Variants in RGS20 observed in about 807,000 individuals in gnomAD.
RGS20 encodes gz-selective GTPase-activating protein.
RGS20 carries 30 observed loss-of-function variants against 33.6 expected under a neutral mutation model. That is an observed-to-expected ratio of 0.89 (90% confidence interval 0.67 to 1.21). RGS20 has a LOEUF of 1.21. Among genes scored for constraint, RGS20 ranks in the 50% most tolerant of loss-of-function variants. RGS20 has a pLI of 0.00. For missense variants in RGS20, 472 were observed against 502.4 expected (o/e 0.94, Z 0.58); for synonymous variants, 208 against 197.9 (o/e 1.05, Z -0.43).
chr8:53,913,981 C>A (rs1813416191), intron 2 of RGS20: 1 of 151,576 alleles, frequency 6.6e-6, no homozygotes, highest in Admixed American at 6.6e-5. Context: ...CTATATTTTC[C>A]TTTTCCTTTC....
intron 2 of RGS20, among the ~76,000 whole-genome samples, chr8:53,916,183 C>T (rs573255900): frequency 6.6e-5 from 10 of 152,132 alleles, no homozygotes; most frequent in South Asian, 4.2e-4. Flanking sequence ...CCACAAAGTC[C>T]GGCTAATTTT....
At position 53,881,002 on chromosome 8, in the gene RGS20, C is replaced by T. The variant is rs200942431; in HGVS notation, c.510+1400C>T. The T allele has an allele frequency of 5.4e-4, 861 of 1,594,716 alleles. 1 individual carries two copies. The highest frequency in any genetic ancestry group is 2.1e-3 in the Middle Eastern group (12 of 5,668). ...CCTCCGCGCTGCAATATTGAGAAGG[C>T]ACCCGCGGGACGCATGCGCACGGCG... is the stretch of plus-strand genomic sequence containing the variant. On this transcript the variant is annotated intron_variant, in intron 2 of 5. Transcript: ENST00000297313.
chr8:53,872,367 C>A (rs1339230891), intron 1 of RGS20, among the ~76,000 whole-genome samples: 1 of 152,140 alleles, frequency 6.6e-6, no homozygotes, highest in Admixed American at 6.5e-5. Flanking sequence ...TTTCCCATTG[C>A]TTTTACAATA....
intron 2 of RGS20, among the ~76,000 whole-genome samples, chr8:53,924,465 G>A (rs1026615777): frequency 2.6e-5 from 4 of 152,058 alleles, no homozygotes; most frequent in Admixed American, 2.6e-4. Flanking sequence ...TAGGATTACA[G>A]GCGTGAGCCA....
intron 3 of RGS20, among the ~76,000 whole-genome samples, chr8:53,940,229 G>T (rs1368630871): frequency 4.6e-5 from 7 of 152,104 alleles, no homozygotes; most frequent in Non-Finnish European, 8.8e-5. Context: ...TAACTTACTG[G>T]GTAGAGGAAG....
intron 3 of RGS20, among the ~76,000 whole-genome samples, chr8:53,945,779 T>C (rs1814456156): frequency 6.6e-6 from 1 of 152,032 alleles, no homozygotes; most frequent in African/African-American, 2.4e-5. Flanking sequence ...GGCACATGCC[T>C]GTAGTCCCAG....
intron 4 of RGS20, among the ~76,000 whole-genome samples, chr8:53,951,910 G>A (rs538886275): frequency 1.4e-4 from 21 of 151,224 alleles, no homozygotes; most frequent in South Asian, 4.2e-4. Context: ...CCAGCTAGTC[G>A]GGAGGCTGAG....
chr8:53,925,749 G>A (rs1813777011), intron 2 of RGS20, among the ~76,000 whole-genome samples: 1 of 151,784 alleles, frequency 6.6e-6, no homozygotes, highest in Non-Finnish European at 1.5e-5. Context: ...AAAAAAAGAA[G>A]TTAAAACGAA....
intron 2 of RGS20, among the ~76,000 whole-genome samples, chr8:53,922,683 C>T (rs2129286774): frequency 6.6e-6 from 1 of 151,850 alleles, no homozygotes; most frequent in African/African-American, 2.4e-5. Flanking sequence ...AATTTTTAAT[C>T]TTTCTTTGAG....
chr8:53,879,457 A>T lies in RGS20; in HGVS notation c.365A>T (p.Glu122Val). The T allele has an allele frequency of 6.3e-7, 1 of 1,593,560 alleles. No individual in the cohort carries two copies. The highest frequency in any genetic ancestry group is 8.5e-7 in the Non-Finnish European group (1 of 1,172,204). Reference sequence around the variant, plus strand: ...GCCCGGCTCTCGAGGGGGCACGAGGAGCTGCCGGGCCGCCTCTCGCTCCTG... The same window carrying T: ...GCCCGGCTCTCGAGGGGGCACGAGGTGCTGCCGGGCCGCCTCTCGCTCCTG... Residue 122 changes from glutamate (E) to valine (V), a missense_variant, in exon 2 of 6, where the codon GAG becomes GTG. Coordinates refer to ENST00000297313, the MANE Select transcript of RGS20 (RefSeq NM_170587.4).
chr8:53,931,552 AAACAAC>A (rs147351535), intron 2 of RGS20, among the ~76,000 whole-genome samples: 7,678 of 150,666 alleles, frequency 0.051, 382 homozygotes, highest in East Asian at 0.21. Context: ...CAAAACTCCA[AAACAAC>A]AACAACAACA....
intron 2 of RGS20, among the ~76,000 whole-genome samples, chr8:53,916,020 G>A (rs1813474123): frequency 1.3e-5 from 2 of 151,820 alleles, no homozygotes; most frequent in South Asian, 4.2e-4. Flanking sequence ...GAGTCTGTGA[G>A]AGATCAGCAA....
rs1414198772 is a variant in RGS20, at chr8:53,958,208, G to A, written c.979-62G>A. 7 of 1,183,842 alleles carry A rather than the reference G, an allele frequency of 5.9e-6. No individual in the cohort carries two copies. The East Asian group carries it at 1.8e-4, about 31-fold the overall frequency. The allele number at this position is 1,183,842 out of a possible 1,614,324, so 73.3% of individuals were successfully genotyped here. ...CAACAAAAATCCCCACAAGCTCTAG[G>A]AGTTTGGGATAGAGATACAACTGAA... On this transcript the variant is annotated intron_variant, in intron 5 of 5. Coordinates refer to ENST00000297313, the MANE Select transcript of RGS20 (RefSeq NM_170587.4).
At chr8:53,900,328 G>A (rs1812979845) in intron 2 of RGS20, among the ~76,000 whole-genome samples, 1 of 151,936 alleles carries the variant, frequency 6.6e-6, no homozygotes, top group Admixed American at 6.6e-5. Flanking sequence ...TTTTTTTAGA[G>A]ACGGGGTCTC....
intron 2 of RGS20, among the ~76,000 whole-genome samples, chr8:53,901,227 C>T (rs1299790600): frequency 1.1e-4 from 16 of 151,994 alleles, no homozygotes; most frequent in African/African-American, 3.9e-4. Context: ...GTCACCACGC[C>T]CGGCTAATTT....
At chr8:53,852,421 T>TA (rs1811587541) in intron 1 of RGS20, among the ~76,000 whole-genome samples, 1 of 152,154 alleles carries the variant, frequency 6.6e-6, no homozygotes, top group African/African-American at 2.4e-5. Context: ...TCCCATATAA[T>TA]AATGAAAGAA....
At chr8:53,857,207 G>A (rs1435542216) in intron 1 of RGS20, among the ~76,000 whole-genome samples, 1 of 152,172 alleles carries the variant, frequency 6.6e-6, no homozygotes, top group Non-Finnish European at 1.5e-5. Flanking sequence ...GGCTCATTTG[G>A]AAGTCAGCCA....
At chr8:53,875,194 G>A (rs573293242) in intron 1 of RGS20, among the ~76,000 whole-genome samples, 105 of 152,124 alleles carry the variant, frequency 6.9e-4, no homozygotes, top group Admixed American at 2.0e-3. Context: ...CACTTTGTGA[G>A]GCCAAGGTGG....
rs140642853 is a variant in RGS20 at position 53,860,982 on chromosome 8, A to T, written c.165+8918A>T. Among the ~76,000 whole-genome samples the T allele has an allele frequency of 5.8e-3, 883 of 152,058 alleles. 12 individuals are homozygous for T. The highest frequency in any genetic ancestry group is 0.02 in the African/African-American group (846 of 41,490). ...ACCCTGTCTCCAAAAAAAAAAAAAG[A>T]TCAATCAGCCCTAGCTGTTCTTTAG... is the stretch of plus-strand genomic sequence containing the variant. On this transcript the variant is annotated intron_variant, in intron 1 of 5. Transcript: ENST00000297313.
Sources: allele counts gnomAD v4.1 joint callset (sites outside exome capture counted in the v4.1 genomes callset), GRCh38; gene constraint gnomAD v4.1.1; transcripts MANE v1.5; gene names NCBI Gene and HGNC (gene_info 2026-07-23, HGNC 2026-07-21).